ARHGEF28: variants seen among roughly 807,000 people sequenced by gnomAD.
ARHGEF28 encodes the protein 190 kDa guanine nucleotide exchange factor.
In ARHGEF28, 152 loss-of-function variants were observed where a neutral mutation model predicts 206.6. The ratio of observed to expected loss-of-function variants is 0.74; its 90% CI spans 0.64 to 0.84. ARHGEF28 has a LOEUF of 0.84. Among genes scored for constraint, ARHGEF28 ranks in the 40% least tolerant of loss-of-function variants. The probability of loss-of-function intolerance (pLI) is 0.00; values close to 1 mark genes in which losing one functional copy is unlikely to be tolerated. For synonymous variants in ARHGEF28, 763 were observed against 776.4 expected, an observed-to-expected ratio of 0.98 and a Z score of 0.29; for missense variants, 2,028 against 2,073.2, an observed-to-expected ratio of 0.98 and a Z score of 0.42.
intron 2 of ARHGEF28, among the ~76,000 whole-genome samples, chr5:73,737,750 C>T (rs1344252366): frequency 1.3e-5 from 2 of 152,068 alleles, no homozygotes; most frequent in African/African-American, 4.8e-5. Context: ...CTGCTGACCT[C>T]AGGTGATCCG....
intron 35 of ARHGEF28, among the ~76,000 whole-genome samples, chr5:73,925,932 A>G (rs1763774365): frequency 6.6e-6 from 1 of 152,154 alleles, no homozygotes; most frequent in Admixed American, 6.5e-5. Context: ...GATTTTGTGA[A>G]TTATGTTTAT....
intron 1 of ARHGEF28, among the ~76,000 whole-genome samples, chr5:73,628,853 G>A (rs1197229140): frequency 6.6e-6 from 1 of 151,892 alleles, no homozygotes; most frequent in Non-Finnish European, 1.5e-5. Context: ...GTATCACAGA[G>A]CATTTTGCTC....
chr5:73,846,432 C>G lies in ARHGEF28; in HGVS notation c.1592C>G (p.Ser531Cys). Residue 531 changes from serine (S) to cysteine (C), a missense_variant, in exon 12 of 36, where the codon TCC becomes TGC. Transcript: ENST00000513042. ...AACACTGAACCGGATTTTAATATCTCCAGGGCTGAATCCCTTCCTCTATCA... is the reference window on the plus strand; with the variant it reads ...AACACTGAACCGGATTTTAATATCTGCAGGGCTGAATCCCTTCCTCTATCA... ...ETNTEPDFNI[S>C]RAESLPLSSN... The G allele has an allele frequency of 6.2e-7, 1 of 1,613,934 alleles. No individual in the cohort carries two copies. Among genetic ancestry groups the G allele is most frequent in the Non-Finnish European group, 8.5e-7 (1 of 1,179,846 alleles).
intron 35 of ARHGEF28, among the ~76,000 whole-genome samples, chr5:73,913,777 C>T (rs1763050644): frequency 6.6e-6 from 1 of 152,202 alleles, no homozygotes; most frequent in Admixed American, 6.5e-5. Context: ...ATCTGGCTAA[C>T]ATAATTTGCC....
chr5:73,865,540 C>T lies in ARHGEF28; in HGVS notation c.2104-425C>T, dbSNP rs747961824. ...AATAGGAACACATATTGCGTCAGAT[C>T]ACAGAGTTGAGGGCTGTTTTGAAGG... On this transcript the variant is annotated intron_variant, in intron 17 of 35. Coordinates refer to ENST00000513042, the MANE Select transcript of ARHGEF28 (RefSeq NM_001177693.2). Among the ~76,000 whole-genome samples, 37 of 152,162 alleles carry T rather than the reference C, an allele frequency of 2.4e-4. 1 individual carries two copies. The highest frequency in any genetic ancestry group is 1.0e-4 in the Non-Finnish European group (7 of 68,020).
intron 7 of ARHGEF28, among the ~76,000 whole-genome samples, chr5:73,783,345 A>AGTT (rs1366459213): frequency 4.1e-5 from 6 of 145,812 alleles, no homozygotes; most frequent in South Asian, 2.2e-4. Context: ...CCTGGAATAT[A>AGTT]GTGTGTGTGT....
chr5:73,684,383 G>A (rs560953780), intron 1 of ARHGEF28, among the ~76,000 whole-genome samples: 4 of 152,230 alleles, frequency 2.6e-5, no homozygotes, highest in East Asian at 1.9e-4. Flanking sequence ...AGGCTCATTC[G>A]TGTTATAACA....
At chr5:73,717,450 C>A (rs1369466675) in intron 2 of ARHGEF28, among the ~76,000 whole-genome samples, 2 of 152,114 alleles carry the variant, frequency 1.3e-5, no homozygotes, top group Non-Finnish European at 2.9e-5. Context: ...TAGCTGCCAC[C>A]ATCTAGTCCT....
chr5:73,747,596 T>C (rs555322003), intron 2 of ARHGEF28, among the ~76,000 whole-genome samples: 15 of 152,312 alleles, frequency 9.8e-5, no homozygotes, highest in Admixed American at 7.8e-4. Flanking sequence ...TCTAAGTGGG[T>C]CTCTCTGTTG....
rs529690592 is a variant in ARHGEF28, at chr5:73,830,005, T to C, written c.1025-2333T>C. 6.6e-5 allele frequency among the ~76,000 whole-genome samples: 10 copies of C among 152,246 alleles called. No individual in the cohort carries two copies. The South Asian group carries it at 2.1e-3, about 32-fold the overall frequency. ...AGATTTGTTTTGGAATTCCGAATTT[T>C]CAGATCTTTTTGGCCTGGTGTTCAT... On this transcript the variant is annotated intron_variant, in intron 9 of 35. Coordinates refer to ENST00000513042, the MANE Select transcript of ARHGEF28 (RefSeq NM_001177693.2).
Position 73,776,652 on chromosome 5 carries a change from A to T in ARHGEF28, c.796A>T (p.Lys266Ter). The change falls in exon 6 of 36, where the codon AAA becomes TAA. Residue 266 changes from lysine to a stop codon, truncating the protein, a stop_gained. Transcript: ENST00000513042. LOFTEE classifies it high-confidence loss of function. ...CGAGCATTTGTTGGAGGCAGATATT[A>T]AACTCTTCCGGAAATACTTTTGGGA... ...TAEHLLEADI[K>*]LFRKYFWDRA... is the part of the protein sequence containing the mutation. 1 of 1,613,784 alleles carries T rather than the reference A, an allele frequency of 6.2e-7. No individual in the cohort carries two copies. The highest frequency in any genetic ancestry group is 8.5e-7 in the Non-Finnish European group (1 of 1,179,728).
chr5:73,655,236 C>T (rs1329183095), intron 1 of ARHGEF28, among the ~76,000 whole-genome samples: 2 of 152,194 alleles, frequency 1.3e-5, no homozygotes, highest in South Asian at 2.1e-4. Flanking sequence ...TCTGAGCTTG[C>T]ACAACAACTA....
chr5:73,812,371 G>T (rs143336825), intron 9 of ARHGEF28, among the ~76,000 whole-genome samples: 18 of 152,300 alleles, frequency 1.2e-4, no homozygotes, highest in Middle Eastern at 3.4e-3. Context: ...AGACTTAATG[G>T]ATCCTCATAT....
At chr5:73,817,143 C>T (rs1034519191) in intron 9 of ARHGEF28, among the ~76,000 whole-genome samples, 1 of 152,108 alleles carries the variant, frequency 6.6e-6, no homozygotes, top group East Asian at 1.9e-4. Context: ...AATGTTTATT[C>T]CTTTATGCCT....
At chr5:73,724,654 A>G (rs1750170785) in intron 2 of ARHGEF28, among the ~76,000 whole-genome samples, 1 of 152,202 alleles carries the variant, frequency 6.6e-6, no homozygotes, top group South Asian at 2.1e-4. Flanking sequence ...TTGGAATCCT[A>G]TGTTATGTAG....
chr5:73,901,001 G>T, intron 30 of ARHGEF28, 183 bp from the exon 31 acceptor site: 1 of 522,800 alleles, frequency 1.9e-6, no homozygotes, highest in Admixed American at 3.1e-5. Flanking sequence ...AGCCCCATGT[G>T]GGCAGGGACC....
chr5:73,880,896 C>A (rs72772570), intron 22 of ARHGEF28, among the ~76,000 whole-genome samples: 2 of 151,964 alleles, frequency 1.3e-5, no homozygotes, highest in Non-Finnish European at 2.9e-5. Context: ...CCTTCTCCTG[C>A]ACTCCAGCCT....
rs377179532 is a variant in ARHGEF28, at chr5:73,870,098, C to T, written c.2455C>T (p.Leu819Phe). The T allele has an allele frequency of 1.5e-4, 244 of 1,613,666 alleles. No individual in the cohort carries two copies. Among genetic ancestry groups the T allele is most frequent in the Non-Finnish European group, 2.0e-4 (234 of 1,179,840 alleles). The change falls in exon 21 of 36, where the codon CTC becomes TTC. Residue 819 changes from leucine to phenylalanine, a missense_variant. Leu to Phe is a conservative substitution (Grantham distance 22). Around this residue, in one of 3 missense-constraint regions of ARHGEF28, gnomAD observed 1,002 missense variants for 1,015.3 expected, o/e 0.99. Coordinates refer to ENST00000513042, the MANE Select transcript of ARHGEF28 (RefSeq NM_001177693.2). ...DVVDSSLWSD[L>F]SSDAQEFEAE... is the part of the protein sequence containing the mutation. ...TGTGGATTCTTCTCTGTGGAGTGAC[C>T]TCAGCAGTGATGCCCAGGAGTTTGA...
intron 2 of ARHGEF28, among the ~76,000 whole-genome samples, chr5:73,686,487 C>CGTT (rs1747477835): frequency 6.6e-6 from 1 of 151,206 alleles, no homozygotes; most frequent in Non-Finnish European, 1.5e-5. Context: ...CAAATAAAAA[C>CGTT]AAAAACAAGT....
Sources: allele counts gnomAD v4.1 joint callset (sites outside exome capture counted in the v4.1 genomes callset), GRCh38; gene constraint gnomAD v4.1.1; regional missense constraint gnomAD v4.1.1; transcripts MANE v1.5; gene names NCBI Gene and HGNC (gene_info 2026-07-23, HGNC 2026-07-21).